Variants in PCDH9 observed in about 807,000 individuals in gnomAD.
PCDH9 encodes the protein protocadherin 9, also known as protocadherin-9.
A neutral mutation model predicts 70.6 loss-of-function variants in PCDH9; 24 were observed. The observed-to-expected ratio is 0.34, with a 90% CI of 0.25 to 0.48. PCDH9 has a LOEUF of 0.48. Among genes scored for constraint, PCDH9 ranks in the 20% least tolerant of loss-of-function variants. The pLI, the probability that PCDH9 is intolerant of heterozygous loss-of-function variation, is 0.99. For synonymous variants in PCDH9, 562 were observed against 558.5 expected (o/e 1.01, Z -0.09); for missense variants, 1,281 against 1,503.6 (o/e 0.85, Z 2.45).
At chr13:67,056,038 A>C (rs975778729) in intron 2 of PCDH9, among the ~76,000 whole-genome samples, 5 of 152,180 alleles carry the variant, frequency 3.3e-5, no homozygotes, top group Admixed American at 1.3e-4. Flanking sequence ...AGAAGACAAC[A>C]TGCAAAAATG....
chr13:67,208,006 A>G (rs1196931370), intron 2 of PCDH9: 1 of 152,158 alleles, frequency 6.6e-6, no homozygotes, highest in East Asian at 1.9e-4. Flanking sequence ...ATCCAATTCC[A>G]AATCAGATTC....
At chr13:66,597,722 G>C (rs1242646800) in intron 4 of PCDH9, among the ~76,000 whole-genome samples, 1 of 151,664 alleles carries the variant, frequency 6.6e-6, no homozygotes, top group East Asian at 1.9e-4. Flanking sequence ...AACAAAAATA[G>C]AGAAGTGAGA....
intron 3 of PCDH9, among the ~76,000 whole-genome samples, chr13:66,795,884 T>A (rs1232739667): frequency 6.6e-6 from 1 of 152,110 alleles, no homozygotes; most frequent in Non-Finnish European, 1.5e-5. Flanking sequence ...CCCACTGATT[T>A]GTTTGTGTGC....
intron 2 of PCDH9, among the ~76,000 whole-genome samples, chr13:67,073,109 C>G (rs1223210943): frequency 6.6e-6 from 1 of 152,092 alleles, no homozygotes; most frequent in South Asian, 2.1e-4. Flanking sequence ...ACACAAGGAG[C>G]TAGTTAAAAT....
chr13:66,771,009 G>A (rs2079798812), intron 3 of PCDH9, among the ~76,000 whole-genome samples: 1 of 152,134 alleles, frequency 6.6e-6, no homozygotes. Flanking sequence ...TACATCTACT[G>A]TGTTCCAGTA....
chr13:67,161,696 CTT>C (rs1357579732), intron 2 of PCDH9, among the ~76,000 whole-genome samples: 1 of 152,154 alleles, frequency 6.6e-6, no homozygotes, highest in Admixed American at 6.5e-5. Flanking sequence ...CTAATAAACA[CTT>C]TAATTTCCAG....
intron 4 of PCDH9, among the ~76,000 whole-genome samples, chr13:66,396,914 A>C (rs908553608): frequency 2.6e-5 from 4 of 152,172 alleles, no homozygotes; most frequent in African/African-American, 9.7e-5. Context: ...TCTTACATTA[A>C]AACCAAAATC....
chr13:66,378,270 C>G (rs1443924657), intron 4 of PCDH9, among the ~76,000 whole-genome samples: 1 of 152,166 alleles, frequency 6.6e-6, no homozygotes, highest in Non-Finnish European at 1.5e-5. Context: ...TTTATACCAG[C>G]TTGCCCAAGC....
intron 3 of PCDH9, among the ~76,000 whole-genome samples, chr13:66,845,444 C>G (rs2081191219): frequency 6.6e-6 from 1 of 152,214 alleles, no homozygotes; most frequent in Non-Finnish European, 1.5e-5. Context: ...GCAGCAGGAC[C>G]AGGCATTTCT....
chr13:67,006,095 C>T (rs1357294398), intron 2 of PCDH9, among the ~76,000 whole-genome samples: 1 of 152,128 alleles, frequency 6.6e-6, no homozygotes, highest in Non-Finnish European at 1.5e-5. Context: ...GGCCTGGCGG[C>T]AGGCACCTGT....
At chr13:66,746,523 A>G (rs997801115) in intron 3 of PCDH9, among the ~76,000 whole-genome samples, 2 of 152,206 alleles carry the variant, frequency 1.3e-5, no homozygotes, top group African/African-American at 4.8e-5. Flanking sequence ...GAAAGCAAGA[A>G]TCAAAAGAGA....
intron 4 of PCDH9, among the ~76,000 whole-genome samples, chr13:66,348,086 A>C (rs1257309399): frequency 6.6e-6 from 1 of 151,996 alleles, no homozygotes; most frequent in Non-Finnish European, 1.5e-5. Flanking sequence ...CTTCACATTC[A>C]TTCCTTTTTT....
chr13:67,047,172 T>G (rs1438728792), intron 2 of PCDH9, among the ~76,000 whole-genome samples: 1 of 152,112 alleles, frequency 6.6e-6, no homozygotes, highest in African/African-American at 2.4e-5. Context: ...AATTCAGATT[T>G]CTGAACACCC....
chr13:66,898,755 T>C (rs2082226829), intron 3 of PCDH9, among the ~76,000 whole-genome samples: 1 of 152,086 alleles, frequency 6.6e-6, no homozygotes, highest in Non-Finnish European at 1.5e-5. Flanking sequence ...TTTATATCTT[T>C]CCTATTTTAT....
At position 67,177,911 on chromosome 13, in the gene PCDH9, A is replaced by G. The variant is rs530193832; in HGVS notation, c.3036+47494T>C. On this transcript the variant is annotated intron_variant, in intron 2 of 4. Transcript: ENST00000377865. ...TACACAATTTTTTTCAAAATGTCCAAATTGAACCCATGATTTCTAACCTCC... is the reference window on the plus strand; with the variant it reads ...TACACAATTTTTTTCAAAATGTCCAGATTGAACCCATGATTTCTAACCTCC... Among the ~76,000 whole-genome samples the G allele has an allele frequency of 9.3e-4, 142 of 152,118 alleles. 1 individual carries two copies. The highest frequency in any genetic ancestry group is 3.3e-3 in the African/African-American group (139 of 41,526).
At chr13:66,398,449 G>A (rs1010308935) in intron 4 of PCDH9, among the ~76,000 whole-genome samples, 1 of 151,956 alleles carries the variant, frequency 6.6e-6, no homozygotes, top group Non-Finnish European at 1.5e-5. Context: ...ATTAATTGAG[G>A]ACTTGATTTG....
At chr13:66,949,522 G>C (rs2083143456) in intron 2 of PCDH9, among the ~76,000 whole-genome samples, 1 of 152,050 alleles carries the variant, frequency 6.6e-6, no homozygotes, top group African/African-American at 2.4e-5. Context: ...CAGCTTATGG[G>C]ATGTGACTAG....
At chr13:67,193,230 C>T (rs1232915407) in intron 2 of PCDH9, among the ~76,000 whole-genome samples, 4 of 151,890 alleles carry the variant, frequency 2.6e-5, no homozygotes, top group Non-Finnish European at 5.9e-5. Flanking sequence ...AAGTAAATCC[C>T]ATACCAAAAA....
intron 3 of PCDH9, among the ~76,000 whole-genome samples, chr13:66,653,083 G>A (rs1056986748): frequency 3.3e-5 from 5 of 152,024 alleles, no homozygotes; most frequent in Non-Finnish European, 7.4e-5. Context: ...CAGTGGTATG[G>A]GCAAAGATTT....
Sources: gnomAD v4.1 joint callset for allele counts (sites outside exome capture counted in the v4.1 genomes callset) on GRCh38, gnomAD v4.1.1 for gene constraint, MANE v1.5 for transcripts, NCBI Gene and HGNC (gene_info 2026-07-23, HGNC 2026-07-21) for gene names.